The following GPHN variants were observed in gnomAD, a reference collection of about 807,000 sequenced individuals.
The protein encoded by GPHN is gephyrin.
GPHN carries 17 observed loss-of-function variants against 95.5 expected under a neutral mutation model. The observed-to-expected ratio is 0.18, with a 90% CI of 0.12 to 0.27. The LOEUF is 0.27. Ranked by LOEUF, GPHN falls within the 10% of genes least tolerant of loss-of-function variation. The pLI, the probability that GPHN is intolerant of heterozygous loss-of-function variation, is 1.00. For synonymous variants in GPHN, 320 were observed against 322.5 expected, an observed-to-expected ratio of 0.99 and a Z score of 0.08; for missense variants, 660 against 978.1, an observed-to-expected ratio of 0.67 and a Z score of 4.34.
At chr14:67,733,902 G>T in the GPHN span, 1 of 1,373,824 alleles carries the variant, frequency 7.3e-7, no homozygotes, top group South Asian at 1.2e-5. Context: ...AATGAACAGG[G>T]ACCAAGGAGA....
intron 3 of GPHN, among the ~76,000 whole-genome samples, chr14:66,819,820 A>G (rs1280374768): frequency 1.3e-5 from 2 of 152,106 alleles, no homozygotes; most frequent in Non-Finnish European, 1.5e-5. Context: ...ACATTCCAAC[A>G]TCTTTCACTG....
intron 3 of GPHN, among the ~76,000 whole-genome samples, chr14:66,787,377 T>C (rs2059813235): frequency 6.6e-6 from 1 of 152,146 alleles, no homozygotes; most frequent in African/African-American, 2.4e-5. Flanking sequence ...TGTTCAAATA[T>C]TGAAAAATTC....
chr14:67,104,248 G>C (rs952293110), intron 13 of GPHN, among the ~76,000 whole-genome samples: 18 of 152,214 alleles, frequency 1.2e-4, no homozygotes, highest in African/African-American at 4.1e-4. Context: ...TCTTTTTAAC[G>C]TGCTGCTGGA....
intron 8 of GPHN, among the ~76,000 whole-genome samples, chr14:66,946,959 T>C (rs915501581): frequency 6.6e-6 from 1 of 152,176 alleles, no homozygotes; most frequent in Admixed American, 6.5e-5. Flanking sequence ...TCCCTTCAAT[T>C]CAGTCTTCAA....
At chr14:67,707,127 G>A in the GPHN span, among the ~76,000 whole-genome samples, 1 of 152,112 alleles carries the variant, frequency 6.6e-6, no homozygotes, top group East Asian at 1.9e-4. Flanking sequence ...AGAGCTTTAC[G>A]AAAGCACAAC....
the GPHN span, among the ~76,000 whole-genome samples, chr14:67,406,215 C>T: frequency 0.15 from 22,285 of 149,602 alleles, 3,171 homozygotes; most frequent in East Asian, 0.42. Context: ...GCCAAGATGG[C>T]GCCACTGCAC....
intron 9 of GPHN, among the ~76,000 whole-genome samples, chr14:67,010,829 A>G (rs1167856276): frequency 6.6e-6 from 1 of 152,154 alleles, no homozygotes; most frequent in African/African-American, 2.4e-5. Flanking sequence ...CAATGGTGCA[A>G]CTGTCTAGGA....
At chr14:67,139,064 A>C (rs988158643) in intron 17 of GPHN, among the ~76,000 whole-genome samples, 1 of 151,714 alleles carries the variant, frequency 6.6e-6, no homozygotes, top group African/African-American at 2.4e-5. Flanking sequence ...TCTACTAAAA[A>C]TACAAAACAT....
At chr14:67,706,437 A>G in the GPHN span, among the ~76,000 whole-genome samples, 1 of 152,200 alleles carries the variant, frequency 6.6e-6, no homozygotes, top group Non-Finnish European at 1.5e-5. Flanking sequence ...TGGTCAGAAC[A>G]CAGTTTGGTT....
intron 8 of GPHN, among the ~76,000 whole-genome samples, chr14:66,963,794 A>G (rs1488733484): frequency 3.3e-5 from 5 of 152,124 alleles, no homozygotes; most frequent in Admixed American, 6.6e-5. Flanking sequence ...AATGGTGGCA[A>G]TATCTTTGGA....
At chr14:67,477,202 T>C in the GPHN span, among the ~76,000 whole-genome samples, 1 of 151,998 alleles carries the variant, frequency 6.6e-6, no homozygotes, top group Non-Finnish European at 1.5e-5. Context: ...TCTCCTTATT[T>C]CCTAATGAAA....
the GPHN span, chr14:67,397,950 A>C: frequency 1.4e-6 from 1 of 725,882 alleles, no homozygotes; most frequent in Non-Finnish European, 2.2e-6. Flanking sequence ...CAAGGAAGAC[A>C]GCAGGATTTG....
At chr14:66,963,264 G>A (rs576975429) in intron 8 of GPHN, among the ~76,000 whole-genome samples, 41 of 151,938 alleles carry the variant, frequency 2.7e-4, no homozygotes, top group Admixed American at 5.9e-4. Flanking sequence ...CTTCTCTCTC[G>A]AGTATCCTGA....
the GPHN span, among the ~76,000 whole-genome samples, chr14:67,656,005 G>A: frequency 6.6e-6 from 1 of 152,102 alleles, no homozygotes; most frequent in African/African-American, 2.4e-5. Context: ...TAGCACTTTG[G>A]GAGGCCGGAG....
At chr14:66,533,182 T>C (rs753743438) in intron 1 of GPHN, among the ~76,000 whole-genome samples, 5 of 152,254 alleles carry the variant, frequency 3.3e-5, no homozygotes, top group African/African-American at 4.8e-5. Context: ...GGCTATTTCA[T>C]TGTTCTACTG....
At chr14:66,578,469 A>G (rs2060996282) in intron 1 of GPHN, among the ~76,000 whole-genome samples, 1 of 151,920 alleles carries the variant, frequency 6.6e-6, no homozygotes, top group Non-Finnish European at 1.5e-5. Context: ...AGGAAGCTCA[A>G]AGGTCTCCAG....
chr14:66,692,676 T>C (rs1368170738), intron 2 of GPHN, among the ~76,000 whole-genome samples: 2 of 152,212 alleles, frequency 1.3e-5, no homozygotes, highest in East Asian at 3.8e-4. Flanking sequence ...TTGGTGCATA[T>C]AAACTATATG....
chr14:67,343,354 A>AC, the GPHN span: 1 of 1,595,906 alleles, frequency 6.3e-7, no homozygotes, highest in South Asian at 1.1e-5. Context: ...AAAGCACCTC[A>AC]CAGTACCTAA....
chr14:66,960,091 A>G (rs1466629942), intron 8 of GPHN, among the ~76,000 whole-genome samples: 1 of 151,462 alleles, frequency 6.6e-6, no homozygotes, highest in Non-Finnish European at 1.5e-5. Context: ...TTTTTATGAT[A>G]TTTGTCTTTT....
Sources: gnomAD v4.1 joint callset for allele counts (sites outside exome capture counted in the v4.1 genomes callset) on GRCh38, gnomAD v4.1.1 for gene constraint, MANE v1.5 for transcripts, NCBI Gene and HGNC (gene_info 2026-07-23, HGNC 2026-07-21) for gene names.